Variants in RORA observed in about 807,000 individuals in gnomAD.
RORA encodes the protein nuclear receptor ROR-alpha.
In RORA, 7 loss-of-function variants were observed where a neutral mutation model predicts 69.5. The observed-to-expected ratio is 0.10, with a 90% CI of 0.06 to 0.19. The LOEUF is 0.19. Ranked by LOEUF, RORA falls within the 10% of genes least tolerant of loss-of-function variation. The probability of loss-of-function intolerance (pLI) is 1.00; values close to 1 mark genes in which losing one functional copy is unlikely to be tolerated. For missense variants in RORA, 457 were observed against 663.0 expected, an observed-to-expected ratio of 0.69 and a Z score of 3.41; for synonymous variants, 261 against 240.8, an observed-to-expected ratio of 1.08 and a Z score of -0.78.
chr15:60,519,411 C>T (rs756360661), intron 3 of RORA, among the ~76,000 whole-genome samples: 8 of 152,148 alleles, frequency 5.3e-5, no homozygotes, highest in Non-Finnish European at 7.3e-5. Context: ...TCAGAGTCCT[C>T]GCTGTAGCAT....
intron 1 of RORA, among the ~76,000 whole-genome samples, chr15:60,963,717 A>G (rs574946783): frequency 6.6e-6 from 1 of 152,348 alleles, no homozygotes; most frequent in East Asian, 1.9e-4. Flanking sequence ...TATAGAACTC[A>G]GCGGGAATGG....
intron 1 of RORA, among the ~76,000 whole-genome samples, chr15:61,118,038 G>A (rs994750546): frequency 6.6e-6 from 1 of 152,142 alleles, no homozygotes; most frequent in Admixed American, 6.5e-5. Flanking sequence ...TGACACCAAG[G>A]TACTGTGCTG....
At chr15:60,739,474 G>C (rs1344705813) in intron 1 of RORA, among the ~76,000 whole-genome samples, 4 of 152,112 alleles carry the variant, frequency 2.6e-5, no homozygotes, top group Non-Finnish European at 5.9e-5. Flanking sequence ...GAGGGGCTGA[G>C]TAGGGAAGAT....
At chr15:61,032,507 G>A (rs529546785) in intron 1 of RORA, among the ~76,000 whole-genome samples, 7 of 152,244 alleles carry the variant, frequency 4.6e-5, no homozygotes, top group African/African-American at 1.2e-4. Flanking sequence ...TTTGATCAAC[G>A]GAGTAGACCA....
intron 1 of RORA, among the ~76,000 whole-genome samples, chr15:61,152,038 G>A (rs148768663): frequency 2.4e-4 from 37 of 152,252 alleles, no homozygotes; most frequent in African/African-American, 7.9e-4. Context: ...ATTCCAGTGC[G>A]ATTTCATTCT....
intron 2 of RORA, among the ~76,000 whole-genome samples, chr15:60,650,865 G>C (rs1413494827): frequency 6.6e-6 from 1 of 152,254 alleles, no homozygotes; most frequent in Non-Finnish European, 1.5e-5. Flanking sequence ...ACCATGTTTT[G>C]GTTGGTATTT....
At chr15:60,981,460 C>T (rs1894043484) in intron 1 of RORA, among the ~76,000 whole-genome samples, 2 of 152,090 alleles carry the variant, frequency 1.3e-5, no homozygotes, top group African/African-American at 4.8e-5. Flanking sequence ...TTAATGTCCT[C>T]CGGTCTCCTA....
At chr15:60,867,971 G>C (rs2073509021) in intron 1 of RORA, among the ~76,000 whole-genome samples, 1 of 152,110 alleles carries the variant, frequency 6.6e-6, no homozygotes, top group African/African-American at 2.4e-5. Flanking sequence ...CACGTTCCCT[G>C]ATCCTGCTTC....
At chr15:60,517,280 G>A (rs766292287) in intron 3 of RORA, among the ~76,000 whole-genome samples, 1 of 151,874 alleles carries the variant, frequency 6.6e-6, no homozygotes, top group Non-Finnish European at 1.5e-5. Context: ...ATGGGACAGG[G>A]CAGGACCCTG....
intron 2 of RORA, among the ~76,000 whole-genome samples, chr15:60,614,433 T>G (rs776783432): frequency 2.6e-5 from 4 of 152,144 alleles, no homozygotes; most frequent in Non-Finnish European, 5.9e-5. Flanking sequence ...TCTGGAAGGT[T>G]CTAGTTGTGT....
chr15:60,645,855 T>A (rs1220965022), intron 2 of RORA, among the ~76,000 whole-genome samples: 1 of 151,942 alleles, frequency 6.6e-6, no homozygotes, highest in African/African-American at 2.4e-5. Context: ...ATCATACATA[T>A]ATACAGCATA....
intron 1 of RORA, among the ~76,000 whole-genome samples, chr15:60,854,233 G>A (rs567833460): frequency 6.6e-6 from 1 of 152,148 alleles, no homozygotes; most frequent in East Asian, 1.9e-4. Flanking sequence ...CTGCACTCCA[G>A]CCTGGCGACA....
chr15:60,587,583 G>A (rs1391388536), intron 2 of RORA, among the ~76,000 whole-genome samples: 1 of 152,142 alleles, frequency 6.6e-6, no homozygotes. Flanking sequence ...CTCTATGGAG[G>A]ATTAAATGAT....
At chr15:60,656,517 T>G (rs1189871034) in intron 2 of RORA, among the ~76,000 whole-genome samples, 1 of 32,402 alleles carries the variant, frequency 3.1e-5, no homozygotes, top group Admixed American at 1.9e-4. Context: ...CCTGAGATTC[T>G]TTTTTTTTCA....
intron 1 of RORA, among the ~76,000 whole-genome samples, chr15:61,000,028 C>T (rs560331531): frequency 1.3e-5 from 2 of 152,182 alleles, no homozygotes; most frequent in Admixed American, 6.5e-5. Flanking sequence ...TAACATGAAA[C>T]GTTTCCATCA....
chr15:60,834,786 C>T (rs961092278), intron 1 of RORA, among the ~76,000 whole-genome samples: 3 of 152,132 alleles, frequency 2.0e-5, no homozygotes, highest in Non-Finnish European at 4.4e-5. Flanking sequence ...CACAGCGACC[C>T]CTCGACAATG....
intron 1 of RORA, among the ~76,000 whole-genome samples, chr15:60,961,592 A>G (rs543545861): frequency 6.6e-6 from 1 of 152,298 alleles, no homozygotes; most frequent in South Asian, 2.1e-4. Context: ...AATGGGCAGG[A>G]GCCTCTTTCC....
intron 5 of RORA, among the ~76,000 whole-genome samples, chr15:60,508,298 C>A (rs1027673062): frequency 1.1e-4 from 17 of 152,144 alleles, no homozygotes; most frequent in African/African-American, 4.1e-4. Flanking sequence ...ACTGCTTCAG[C>A]AATACAGCCA....
rs535466701 is a variant in RORA, at chr15:60,888,136, G to A, written c.167-209450C>T. ...TCTTGCCTCATACATACCCGGCCAC[G>A]GATGCTGTCTCATCGGCTGGATGCA... On this transcript the variant is annotated intron_variant, in intron 1 of 10. Coordinates refer to ENST00000335670, the MANE Select transcript of RORA (RefSeq NM_134261.3). Among the ~76,000 whole-genome samples, 20 of 152,286 alleles carry A rather than the reference G, an allele frequency of 1.3e-4. No individual in the cohort carries two copies. In the South Asian group the frequency reaches 1.7e-3, roughly 13 times the overall value.
Sources: allele counts gnomAD v4.1 joint callset (sites outside exome capture counted in the v4.1 genomes callset), GRCh38; gene constraint gnomAD v4.1.1; transcripts MANE v1.5; gene names NCBI Gene and HGNC (gene_info 2026-07-23, HGNC 2026-07-21).